The following FRMD3 variants were observed in gnomAD, a reference collection of about 807,000 sequenced individuals.
FRMD3 encodes FERM domain-containing protein 3.
FRMD3 carries 33 observed loss-of-function variants against 70.2 expected under a neutral mutation model. The ratio of observed to expected loss-of-function variants is 0.47; its 90% CI spans 0.36 to 0.63. The LOEUF (loss-of-function observed/expected upper bound fraction) is 0.63. FRMD3 is among the 20% of genes least tolerant of loss of function. The probability of loss-of-function intolerance (pLI) is 0.00; values close to 1 mark genes in which losing one functional copy is unlikely to be tolerated. For synonymous variants in FRMD3, 279 were observed against 255.9 expected (o/e 1.09, Z -0.86); for missense variants, 632 against 711.4 (o/e 0.89, Z 1.27).
At chr9:83,575,393 A>G in the FRMD3 span, among the ~76,000 whole-genome samples, 2,944 of 152,210 alleles carry the variant, frequency 0.019, 97 homozygotes, top group African/African-American at 0.066. Flanking sequence ...CATGATGTCA[A>G]ATGTGGCTTC....
chr9:83,341,885 G>T (rs755835453), intron 5 of FRMD3, among the ~76,000 whole-genome samples: 5 of 152,114 alleles, frequency 3.3e-5, no homozygotes, highest in Non-Finnish European at 7.4e-5. Context: ...CCACAGGGAG[G>T]GCGGTGGGCC....
At chr9:83,362,152 C>T (rs994497709) in intron 3 of FRMD3, among the ~76,000 whole-genome samples, 1 of 150,300 alleles carries the variant, frequency 6.7e-6, no homozygotes, top group Non-Finnish European at 1.5e-5. Flanking sequence ...GGCTTTACAC[C>T]AGAGCAAAAT....
intron 3 of FRMD3, among the ~76,000 whole-genome samples, chr9:83,367,544 C>G (rs747426339): frequency 1.1e-4 from 16 of 152,286 alleles, no homozygotes; most frequent in Admixed American, 3.9e-4. Flanking sequence ...CCACGATTTT[C>G]CCTCCAGTAT....
the FRMD3 span, among the ~76,000 whole-genome samples, chr9:83,550,712 G>C: frequency 2.0e-5 from 3 of 149,880 alleles, no homozygotes; most frequent in Admixed American, 6.7e-5. Flanking sequence ...GTGTGTGTGT[G>C]TGTGTGTGTG....
chr9:83,479,901 C>G (rs545102173), intron 1 of FRMD3, among the ~76,000 whole-genome samples: 36 of 151,914 alleles, frequency 2.4e-4, no homozygotes, highest in African/African-American at 6.5e-4. Context: ...TGAGATATCA[C>G]TTTAAATGAT....
At chr9:83,509,908 A>G (rs564714365) in intron 1 of FRMD3, among the ~76,000 whole-genome samples, 1 of 152,336 alleles carries the variant, frequency 6.6e-6, no homozygotes, top group African/African-American at 2.4e-5. Flanking sequence ...CTTAAAAAAA[A>G]TAAGCTCGTG....
intron 6 of FRMD3, among the ~76,000 whole-genome samples, chr9:83,316,932 C>G (rs1323774): frequency 0.28 from 42,688 of 151,950 alleles, 6,102 homozygotes; most frequent in African/African-American, 0.34. Context: ...AGGCTTGGTG[C>G]AGTGGCTCAT....
chr9:83,332,221 C>T (rs998700118), intron 6 of FRMD3, among the ~76,000 whole-genome samples: 3 of 152,162 alleles, frequency 2.0e-5, no homozygotes, highest in African/African-American at 7.2e-5. Context: ...GTTGCTTCTC[C>T]CTATCCTCCA....
chr9:83,556,332 C>T, the FRMD3 span, among the ~76,000 whole-genome samples: 1 of 152,342 alleles, frequency 6.6e-6, no homozygotes, highest in South Asian at 2.1e-4. Context: ...TAACTCCATG[C>T]ATTATTGACC....
intron 6 of FRMD3, among the ~76,000 whole-genome samples, chr9:83,328,681 C>G (rs1376795930): frequency 5.3e-5 from 8 of 152,124 alleles, no homozygotes; most frequent in Non-Finnish European, 8.8e-5. Context: ...GAAGGAGACC[C>G]CAGCTTGGGG....
chr9:83,397,154 C>A (rs1825830962), intron 1 of FRMD3, among the ~76,000 whole-genome samples: 1 of 152,194 alleles, frequency 6.6e-6, no homozygotes, highest in African/African-American at 2.4e-5. Flanking sequence ...GCTAGCTGCC[C>A]TTGAAAAGCT....
chr9:83,383,321 AC>A (rs35510454), intron 2 of FRMD3, among the ~76,000 whole-genome samples: 58,809 of 152,068 alleles, frequency 0.39, 11,816 homozygotes, highest in Admixed American at 0.47. Context: ...TGAGGCACAA[AC>A]TTTTGGGAAG....
At chr9:83,532,956 C>T (rs1262981572) in intron 1 of FRMD3, among the ~76,000 whole-genome samples, 1 of 152,164 alleles carries the variant, frequency 6.6e-6, no homozygotes. Flanking sequence ...ACTGAAGATG[C>T]CAGAGTGAAA....
intron 1 of FRMD3, among the ~76,000 whole-genome samples, chr9:83,423,636 G>A (rs1043283894): frequency 5.4e-5 from 6 of 110,324 alleles, no homozygotes; most frequent in South Asian, 6.2e-4. Flanking sequence ...CGCTTGCATC[G>A]CTCAGGCTGG....
intron 6 of FRMD3, among the ~76,000 whole-genome samples, chr9:83,325,881 T>C (rs555071767): frequency 7.4e-4 from 112 of 152,336 alleles, no homozygotes; most frequent in African/African-American, 2.6e-3. Flanking sequence ...TCATGACTCA[T>C]GACAATTACA....
intron 10 of FRMD3, among the ~76,000 whole-genome samples, chr9:83,304,599 T>C (rs1210123156): frequency 6.6e-6 from 1 of 152,214 alleles, no homozygotes; most frequent in Non-Finnish European, 1.5e-5. Flanking sequence ...AGAAATGTAT[T>C]AGGAACTGCT....
chr9:83,497,519 G>C (rs1049880184), intron 1 of FRMD3, among the ~76,000 whole-genome samples: 21 of 152,230 alleles, frequency 1.4e-4, no homozygotes, highest in African/African-American at 5.1e-4. Flanking sequence ...TTGAGTGTAA[G>C]GATTGGGTAT....
chr9:83,261,332 G>A (rs1172010025), intron 13 of FRMD3, among the ~76,000 whole-genome samples: 1 of 152,110 alleles, frequency 6.6e-6, no homozygotes, highest in Non-Finnish European at 1.5e-5. Context: ...TCATTTGCCA[G>A]CCTCTTGGTT....
At chr9:83,319,705 G>A (rs1401470606) in intron 6 of FRMD3, among the ~76,000 whole-genome samples, 1 of 152,142 alleles carries the variant, frequency 6.6e-6, no homozygotes, top group Non-Finnish European at 1.5e-5. Context: ...ATTGAATCAT[G>A]GGGTGGGTCT....
Sources: allele counts gnomAD v4.1 joint callset (sites outside exome capture counted in the v4.1 genomes callset), GRCh38; gene constraint gnomAD v4.1.1; transcripts MANE v1.5; gene names NCBI Gene and HGNC (gene_info 2026-07-23, HGNC 2026-07-21).